CMTM4: variants seen among roughly 807,000 people sequenced by gnomAD.
CMTM4 encodes the protein CKLF like MARVEL transmembrane domain containing 4.
CMTM4 carries 8 observed loss-of-function variants against 19.0 expected under a neutral mutation model. That is an observed-to-expected ratio of 0.42 (90% CI 0.25 to 0.76). CMTM4 has a LOEUF of 0.76. Among genes scored for constraint, CMTM4 ranks in the 30% least tolerant of loss-of-function variants. The pLI is 0.27. For synonymous variants in CMTM4, 106 were observed against 121.1 expected, an observed-to-expected ratio of 0.88 and a Z score of 0.82; for missense variants, 228 against 290.2, an observed-to-expected ratio of 0.79 and a Z score of 1.56.
chr16:66,691,503 C>T (rs1055039096), intron 1 of CMTM4, among the ~76,000 whole-genome samples: 1 of 152,114 alleles, frequency 6.6e-6, no homozygotes, highest in Non-Finnish European at 1.5e-5. Flanking sequence ...GAGTTTGAAA[C>T]CAACCTGGGC....
At chr16:66,680,594 G>GA (rs2016894117) in intron 1 of CMTM4, among the ~76,000 whole-genome samples, 1 of 151,000 alleles carries the variant, frequency 6.6e-6, no homozygotes. Flanking sequence ...CTAACGCGGT[G>GA]AAACCCCGTC....
In CMTM4 at chr16:66,619,478, AC is replaced by A. The variant is rs1388159141; in HGVS notation, c.*2579del. Reference sequence around the variant, plus strand: ...GTCGCTCAGCCTTCAAATGCCCCAAACCAAACTGATATTGGTCCCTATTGAA... The same window carrying A: ...GTCGCTCAGCCTTCAAATGCCCCAAACAAACTGATATTGGTCCCTATTGAA... On this transcript the variant is annotated 3_prime_UTR_variant, in exon 4 of 4. Transcript: ENST00000394106. The A allele has an allele frequency of 4.1e-6, 4 of 985,296 alleles. No homozygotes were observed. Among genetic ancestry groups the A allele is most frequent in the East Asian group, 1.1e-4 (1 of 8,834 alleles). 61.0% of individuals were successfully genotyped at this position (985,296 alleles called of 1,614,324 possible). A position where few individuals can be genotyped will look rare whatever the true frequency, so the allele number is the denominator to read the frequency against.
chr16:66,692,768 G>A (rs945700663), intron 1 of CMTM4, among the ~76,000 whole-genome samples: 6 of 152,116 alleles, frequency 3.9e-5, no homozygotes, highest in South Asian at 2.1e-4. Flanking sequence ...TTAGCCGGGC[G>A]TGCTAGTGGG....
intron 1 of CMTM4, among the ~76,000 whole-genome samples, chr16:66,663,842 A>G (rs573155681): frequency 1.3e-5 from 2 of 151,832 alleles, no homozygotes; most frequent in Non-Finnish European, 2.9e-5. Flanking sequence ...CACCCGGCCC[A>G]TTTGCTTCTT....
At chr16:66,629,135 A>G (rs1433535205) in intron 2 of CMTM4, among the ~76,000 whole-genome samples, 1 of 152,206 alleles carries the variant, frequency 6.6e-6, no homozygotes, top group Non-Finnish European at 1.5e-5. Context: ...CCATGAAACA[A>G]ATCAAGGCTG....
chr16:66,609,470 C>T, the CMTM4 span: 7 of 1,612,852 alleles, frequency 4.3e-6, no homozygotes, highest in Admixed American at 5.0e-5. The surrounding 1 kb of genome is among the most constrained non-coding windows in gnomAD (Gnocchi z 4.4). Flanking sequence ...CCCTCATCTA[C>T]TTTGCTATCT....
At chr16:66,644,488 T>C (rs1211339154) in intron 1 of CMTM4, among the ~76,000 whole-genome samples, 1 of 152,252 alleles carries the variant, frequency 6.6e-6, no homozygotes, top group Non-Finnish European at 1.5e-5. Context: ...ATTTGTAATT[T>C]ATTGTTTCCT....
intron 1 of CMTM4, among the ~76,000 whole-genome samples, chr16:66,687,204 G>A (rs2017050454): frequency 6.7e-6 from 1 of 148,318 alleles, no homozygotes; most frequent in African/African-American, 2.5e-5. Flanking sequence ...GTTTGTCCAA[G>A]TGGTCTGTAT....
rs768764057 is a variant in CMTM4 at position 66,670,082 on chromosome 16, C to CATGG, written c.186+26254_186+26257dup. On this transcript the variant is annotated intron_variant, in intron 1 of 3. Coordinates refer to ENST00000394106, the MANE Select transcript of CMTM4 (RefSeq NM_181521.3). ...AACAAAAGCAAGAGAGAGTCTACTA[C>CATGG]ATGGAGCCAACCAGAGAGAGGCTAA... 6.4e-4 allele frequency among the ~76,000 whole-genome samples: 97 copies of CATGG among 152,274 alleles called. 1 individual carries two copies. The highest frequency in any genetic ancestry group is 2.1e-3 in the African/African-American group (89 of 41,560).
At chr16:66,609,581 T>C in the CMTM4 span, 1 of 1,538,682 alleles carries the variant, frequency 6.5e-7, no homozygotes, top group Non-Finnish European at 8.8e-7. This position sits in a 1 kb window ranked among gnomAD's most constrained non-coding sequence, Gnocchi z 4.4. Context: ...CTCTAGCCCC[T>C]CATTTAGGGT....
chr16:66,616,520 C>A lies in CMTM4; in HGVS notation c.*5538G>T, dbSNP rs763953117. ...GGTTACAGAGTGAAAGAGTTGGGAACAGGCAGCCCCCTTTGGGCCTGGGTC... is the reference window on the plus strand; with the variant it reads ...GGTTACAGAGTGAAAGAGTTGGGAAAAGGCAGCCCCCTTTGGGCCTGGGTC... On this transcript the variant is annotated 3_prime_UTR_variant, in exon 4 of 4. Coordinates refer to ENST00000394106, the MANE Select transcript of CMTM4 (RefSeq NM_181521.3). The A allele has an allele frequency of 1.3e-5, 2 of 152,208 alleles. No individual in the cohort carries two copies. Among genetic ancestry groups the A allele is most frequent in the Non-Finnish European group, 2.9e-5 (2 of 68,032 alleles). The allele number at this position is 152,208 out of a possible 1,614,324, so 9.4% of individuals were successfully genotyped here.
At chr16:66,695,380 C>T (rs970109390) in intron 1 of CMTM4, among the ~76,000 whole-genome samples, 2 of 152,168 alleles carry the variant, frequency 1.3e-5, no homozygotes, top group Non-Finnish European at 1.5e-5. Flanking sequence ...CAAGTGGCTT[C>T]TCTGGCTATG....
intron 2 of CMTM4, among the ~76,000 whole-genome samples, chr16:66,633,350 T>G (rs1284990577): frequency 6.6e-6 from 1 of 151,870 alleles, no homozygotes; most frequent in Non-Finnish European, 1.5e-5. Context: ...ATTTTAACCA[T>G]CAGGCTGGCT....
Position 66,619,172 on chromosome 16 carries a change from T to C in CMTM4, c.*2886A>G. On this transcript the variant is annotated 3_prime_UTR_variant, in exon 4 of 4. Transcript: ENST00000394106. The stretch of plus-strand genomic sequence containing the variant: ...CCCTCTTTAAGGCAGGGAAAACATA[T>C]TTCCCTCCCATGCCTTCAGCAGTGT... The C allele has an allele frequency of 1.0e-6, 1 of 985,454 alleles. No individual in the cohort carries two copies. The highest frequency in any genetic ancestry group is 1.2e-6 in the Non-Finnish European group (1 of 829,944). The allele number at this position is 985,454 out of a possible 1,614,324, so 61.0% of individuals were successfully genotyped here. A position where few individuals can be genotyped will look rare whatever the true frequency, so the allele number is the denominator to read the frequency against.
rs2017230765 is a variant in CMTM4 at position 66,696,183 on chromosome 16, T to A, written c.186+157A>T. ...CGAAGGCGGGGTCCCCAGAGAAGGC[T>A]GCAGAGTGGTCCCGGGACCCCACGA... On this transcript the variant is annotated intron_variant, in intron 1 of 3. Coordinates refer to ENST00000394106, the MANE Select transcript of CMTM4 (RefSeq NM_181521.3). The surrounding 1 kb of genome is among the most constrained non-coding windows in gnomAD (Gnocchi z 4.3). Among the ~76,000 whole-genome samples the A allele has an allele frequency of 6.6e-6, 1 of 152,008 alleles. No homozygotes were observed. The highest frequency in any genetic ancestry group is 2.4e-5 in the African/African-American group (1 of 41,418).
intron 1 of CMTM4, among the ~76,000 whole-genome samples, chr16:66,642,778 A>G (rs1035034332): frequency 2.6e-5 from 4 of 152,154 alleles, no homozygotes; most frequent in African/African-American, 9.7e-5. Flanking sequence ...GATTTCCACA[A>G]CTGTGGCAAA....
chr16:66,666,305 T>C (rs1357677658), intron 1 of CMTM4, among the ~76,000 whole-genome samples: 6 of 151,456 alleles, frequency 4.0e-5, no homozygotes, highest in African/African-American at 1.5e-4. Context: ...ACAAAAAAAT[T>C]AGCCAGGCGT....
At chr16:66,605,031 G>A in the CMTM4 span, 1 of 1,276,424 alleles carries the variant, frequency 7.8e-7, no homozygotes, top group South Asian at 1.8e-5. This position sits in a 1 kb window ranked among gnomAD's most constrained non-coding sequence, Gnocchi z 4.6. Context: ...GCGCGGGTGG[G>A]GTCCGGGGGC....
chr16:66,680,035 G>A (rs1347406222), intron 1 of CMTM4, among the ~76,000 whole-genome samples: 1 of 152,154 alleles, frequency 6.6e-6, no homozygotes, highest in Non-Finnish European at 1.5e-5. Flanking sequence ...TGCCTGATAA[G>A]CTTGCCATGA....
Sources: gnomAD v4.1 joint callset for allele counts (sites outside exome capture counted in the v4.1 genomes callset) on GRCh38, gnomAD v4.1.1 for gene constraint, Gnocchi (gnomAD v3.1) non-coding constraint, MANE v1.5 for transcripts, NCBI Gene and HGNC (gene_info 2026-07-23, HGNC 2026-07-21) for gene names.